Variants in EDEM2 observed in about 807,000 individuals in gnomAD.
EDEM2 encodes the protein ER degradation-enhancing alpha-mannosidase-like protein 2.
Under a neutral mutation model 64.8 loss-of-function variants are expected in EDEM2, and 39 were observed. That is an observed-to-expected ratio of 0.60 (90% CI 0.47 to 0.79). EDEM2 has a LOEUF of 0.79. Ranked by LOEUF, EDEM2 falls within the 30% of genes least tolerant of loss-of-function variation. EDEM2 has a pLI of 0.00. For synonymous variants in EDEM2, 296 were observed against 291.5 expected (o/e 1.02, Z -0.16); for missense variants, 609 against 731.3 (o/e 0.83, Z 1.93).
At chr20:35,129,062 T>C (rs1326490614) in intron 7 of EDEM2, among the ~76,000 whole-genome samples, 3 of 150,218 alleles carry the variant, frequency 2.0e-5, no homozygotes, top group Admixed American at 1.3e-4. Context: ...AGATCAGGAG[T>C]TTGAGACCAG....
chr20:35,135,852 C>T (rs1216311702), intron 5 of EDEM2, among the ~76,000 whole-genome samples: 1 of 152,178 alleles, frequency 6.6e-6, no homozygotes, highest in African/African-American at 2.4e-5. Flanking sequence ...ACAGGTCACA[C>T]AGAGAGAGTC....
rs376963823 is a variant in EDEM2, at chr20:35,132,757, C to T, written c.703-974G>A. Among the ~76,000 whole-genome samples, 27 of 152,248 alleles carry T rather than the reference C, an allele frequency of 1.8e-4. 1 individual carries two copies. Among genetic ancestry groups the T allele is most frequent in the African/African-American group, 4.8e-4 (20 of 41,544 alleles). ...TTCTCCCTGTTGGTCAGGCTGGTCTCGAACTCCCGACCTCAGGTGATACGC... is the reference window on the plus strand; with the variant it reads ...TTCTCCCTGTTGGTCAGGCTGGTCTTGAACTCCCGACCTCAGGTGATACGC... On this transcript the variant is annotated intron_variant, in intron 6 of 10. Transcript: ENST00000374492.
intron 7 of EDEM2, among the ~76,000 whole-genome samples, chr20:35,130,234 A>AT (rs1024939095): frequency 2.0e-5 from 3 of 151,146 alleles, no homozygotes; most frequent in Non-Finnish European, 3.0e-5. Flanking sequence ...TGCCCAGCAA[A>AT]TTTTTTTTTA....
At chr20:35,126,976 G>A (rs2146095575) in intron 7 of EDEM2, among the ~76,000 whole-genome samples, 1 of 152,270 alleles carries the variant, frequency 6.6e-6, no homozygotes, top group East Asian at 1.9e-4. Flanking sequence ...ATCTCACCTT[G>A]AATTGTAGCT....
chr20:35,144,985 G>A lies in EDEM2; in HGVS notation c.252C>T (p.Thr84=). 6.2e-7 allele frequency: 1 copy of A among 1,614,018 alleles called. No individual in the cohort carries two copies. The highest frequency in any genetic ancestry group is 8.5e-7 in the Non-Finnish European group (1 of 1,179,944). ...FSLTLIDALD[T]LLILGNVSEF... ...AAACAGACGAGATACTTACCAGCAA[G>A]GTGTCCAGTGCATCAATTAGAGTCA... Residue 84 remains threonine, a synonymous_variant, in exon 3 of 11, where the codon ACC becomes ACT. Coordinates refer to ENST00000374492, the MANE Select transcript of EDEM2 (RefSeq NM_018217.3).
At chr20:35,146,006 A>G (rs2085726327) in intron 2 of EDEM2, among the ~76,000 whole-genome samples, 1 of 131,630 alleles carries the variant, frequency 7.6e-6, no homozygotes, top group African/African-American at 4.1e-5. Context: ...CCATCTCAAA[A>G]AAAAAAAAAA....
At chr20:35,132,744 G>C (rs2085522220) in intron 6 of EDEM2, among the ~76,000 whole-genome samples, 1 of 152,086 alleles carries the variant, frequency 6.6e-6, no homozygotes, top group Non-Finnish European at 1.5e-5. Context: ...CTCCCTGTTG[G>C]TCAGGCTGGT....
chr20:35,125,538 C>T (rs1428869242), intron 8 of EDEM2, among the ~76,000 whole-genome samples: 3 of 152,022 alleles, frequency 2.0e-5, no homozygotes, highest in Admixed American at 1.3e-4. Context: ...GCGCCCACCA[C>T]CACGCCCAGC....
At chr20:35,132,843 T>C (rs892775350) in intron 6 of EDEM2, among the ~76,000 whole-genome samples, 3 of 152,028 alleles carry the variant, frequency 2.0e-5, no homozygotes, top group African/African-American at 7.2e-5. Flanking sequence ...CAGCCAAATA[T>C]ATGTATTTTT....
chr20:35,143,978 G>A (rs1220653104), intron 3 of EDEM2, among the ~76,000 whole-genome samples: 1 of 151,962 alleles, frequency 6.6e-6, no homozygotes, highest in Non-Finnish European at 1.5e-5. Context: ...GTGCGATCTC[G>A]GCTCACTGCA....
At chr20:35,141,119 CAAAAAAAAAAAAAAAA>C (rs58702725) in intron 4 of EDEM2, among the ~76,000 whole-genome samples, 1 of 29,386 alleles carries the variant, frequency 3.4e-5, no homozygotes, top group Non-Finnish European at 7.0e-5. Flanking sequence ...GACTCCGCCT[CAAAAAAAAAAAAAAAA>C]AAAAAAAAAA....
At chr20:35,123,177 G>A (rs913284704) in intron 9 of EDEM2, among the ~76,000 whole-genome samples, 4 of 152,134 alleles carry the variant, frequency 2.6e-5, no homozygotes, top group African/African-American at 7.2e-5. Flanking sequence ...TTCCATACAC[G>A]TAAGCATAAT....
rs751001245 is a variant in EDEM2, at chr20:35,123,943, T to C, written c.1061A>G (p.Asn354Ser). 25 of 1,614,058 alleles carry C rather than the reference T, an allele frequency of 1.5e-5. No homozygotes were observed. The highest frequency in any genetic ancestry group is 5.0e-5 in the Admixed American group (3 of 59,994). ...KQFGGLPEFY[N>S]IPQGYTVEKR... ...CTCCACTGTGTATCCCTGAGGAATG[T>C]TGTAGAATTCCGGGAGCCCCCCAAA... Residue 354 changes from asparagine to serine, a missense_variant, in exon 9 of 11, where the codon AAC becomes AGC. By Grantham distance (46) the Asn-to-Ser change is conservative. Transcript: ENST00000374492.
At chr20:35,137,010 T>C (rs1219102244) in intron 5 of EDEM2, among the ~76,000 whole-genome samples, 1 of 152,116 alleles carries the variant, frequency 6.6e-6, no homozygotes, top group Non-Finnish European at 1.5e-5. Flanking sequence ...GTTTTAAAAG[T>C]GTTGGACGTT....
At chr20:35,131,592 C>A in intron 7 of EDEM2, 50 bp downstream of exon 7, 1 of 1,596,296 alleles carries the variant, frequency 6.3e-7, no homozygotes, top group Non-Finnish European at 8.6e-7. Flanking sequence ...ACAAATCACA[C>A]ATCAGCAAGA....
intron 6 of EDEM2, among the ~76,000 whole-genome samples, chr20:35,132,946 G>A (rs750537674): frequency 6.6e-6 from 1 of 152,186 alleles, no homozygotes; most frequent in Non-Finnish European, 1.5e-5. Context: ...CCCCCCAGGA[G>A]CACAACCTCA....
intron 7 of EDEM2, 49 bp downstream of exon 7, chr20:35,131,593 A>G: frequency 6.3e-7 from 1 of 1,597,048 alleles, no homozygotes; most frequent in Non-Finnish European, 8.6e-7. Context: ...CAAATCACAC[A>G]TCAGCAAGAA....
At chr20:35,125,707 T>C (rs771282296) in intron 8 of EDEM2, among the ~76,000 whole-genome samples, 1 of 152,070 alleles carries the variant, frequency 6.6e-6, no homozygotes. Flanking sequence ...TTTGTAGAGA[T>C]GAGGTCTCAC....
At chr20:35,116,793 GT>G (rs879262031) in intron 10 of EDEM2, among the ~76,000 whole-genome samples, 102 of 145,592 alleles carry the variant, frequency 7.0e-4, no homozygotes, top group African/African-American at 9.3e-4. Flanking sequence ...TGATTACCAA[GT>G]TTTTTTTTTT....
Sources: gnomAD v4.1 joint callset for allele counts (sites outside exome capture counted in the v4.1 genomes callset) on GRCh38, gnomAD v4.1.1 for gene constraint, MANE v1.5 for transcripts, NCBI Gene and HGNC (gene_info 2026-07-23, HGNC 2026-07-21) for gene names.